The following HIBCH variants were observed in gnomAD, a reference collection of about 807,000 sequenced individuals.
HIBCH encodes 3-hydroxyisobutyryl-CoA hydrolase.
HIBCH carries 50 observed loss-of-function variants against 58.2 expected under a neutral mutation model. That is an observed-to-expected ratio of 0.86 (90% confidence interval 0.68 to 1.09). The LOEUF is 1.09. Ranked by LOEUF, HIBCH falls within the 50% of genes least tolerant of loss-of-function variation. HIBCH has a pLI of 0.00. For missense variants in HIBCH, 450 were observed against 449.7 expected (o/e 1.00, Z -0.01); for synonymous variants, 151 against 146.9 (o/e 1.03, Z -0.20).
intron 11 of HIBCH, among the ~76,000 whole-genome samples, chr2:190,228,151 C>G (rs1034727910): frequency 6.6e-6 from 1 of 152,114 alleles, no homozygotes; most frequent in East Asian, 1.9e-4. Context: ...GGAACCAACC[C>G]AAATGTCCAA....
intron 1 of HIBCH, among the ~76,000 whole-genome samples, chr2:190,191,470 C>T (rs1254322556): frequency 6.6e-6 from 1 of 152,162 alleles, no homozygotes; most frequent in Admixed American, 6.5e-5. Flanking sequence ...TATGTGAACA[C>T]AAATTTTCAT....
At chr2:190,264,699 GGA>G (rs1687183341) in intron 6 of HIBCH, among the ~76,000 whole-genome samples, 1 of 152,060 alleles carries the variant, frequency 6.6e-6, no homozygotes, top group South Asian at 2.1e-4. Flanking sequence ...ATGGCTATTT[GGA>G]TTGTCTCCAG....
At chr2:190,222,770 G>A (rs944587017) in intron 11 of HIBCH, among the ~76,000 whole-genome samples, 11 of 152,064 alleles carry the variant, frequency 7.2e-5, no homozygotes, top group Middle Eastern at 3.2e-3. Flanking sequence ...CCCATTACTG[G>A]GTATATACCC....
chr2:190,269,440 A>C (rs1427800713), intron 6 of HIBCH, among the ~76,000 whole-genome samples: 1 of 141,230 alleles, frequency 7.1e-6, no homozygotes, highest in Non-Finnish European at 1.5e-5. Context: ...TCTCAAAAGA[A>C]GACATTTATG....
intron 1 of HIBCH, among the ~76,000 whole-genome samples, chr2:190,314,329 G>GTGTATATATACGTA (rs1688645255): frequency 2.0e-3 from 7 of 3,444 alleles, no homozygotes; most frequent in Admixed American, 3.8e-3. Flanking sequence ...ATGTATATAT[G>GTGTATATATACGTA]TATATATACA....
At chr2:190,228,338 G>A (rs1401216777) in intron 11 of HIBCH, among the ~76,000 whole-genome samples, 1 of 150,320 alleles carries the variant, frequency 6.7e-6, no homozygotes, top group Non-Finnish European at 1.5e-5. Context: ...ACTCATAGGT[G>A]GGAATTGAAC....
chr2:190,213,038 G>A lies in HIBCH; in HGVS notation c.929C>T (p.Thr310Ile). 1 of 1,609,496 alleles carries A rather than the reference G, an allele frequency of 6.2e-7. No homozygotes were observed. The highest frequency in any genetic ancestry group is 2.2e-5 in the East Asian group (1 of 44,802). Reference protein sequence around the residue: ...NKMSPTSLKITLRQLMEGSSK... With the variant: ...NKMSPTSLKIILRQLMEGSSK... ...AGACCCCTCCATGAGTTGCCTTAGT[G>A]TGATCTTTAGAGATGTTGGAGACAT... Residue 310 changes from threonine (T) to isoleucine (I), a missense_variant, in exon 12 of 14, where the codon ACA becomes ATA. Coordinates refer to ENST00000359678, the MANE Select transcript of HIBCH (RefSeq NM_014362.4).
At position 190,204,741 on chromosome 2, in the gene HIBCH, G is replaced by T; in HGVS notation, c.*376C>A. 1 of 231,904 alleles carries T rather than the reference G, an allele frequency of 4.3e-6. No individual in the cohort carries two copies. The highest frequency in any genetic ancestry group is 8.6e-6 in the Non-Finnish European group (1 of 116,724). The allele number at this position is 231,904 out of a possible 1,614,324, so 14.4% of individuals were successfully genotyped here. A position where few individuals can be genotyped will look rare whatever the true frequency, so the allele number is the denominator to read the frequency against. Reference sequence around the variant, plus strand: ...CATTTCAATTAGATATACCACTCAAGAGAATCTCCAAAGATCTTCACATTT... The same window carrying T: ...CATTTCAATTAGATATACCACTCAATAGAATCTCCAAAGATCTTCACATTT... On this transcript the variant is annotated 3_prime_UTR_variant, in exon 14 of 14. Transcript: ENST00000359678.
At chr2:190,269,106 G>C (rs145085544) in intron 6 of HIBCH, among the ~76,000 whole-genome samples, 12 of 152,072 alleles carry the variant, frequency 7.9e-5, no homozygotes, top group African/African-American at 2.7e-4. Flanking sequence ...AGACTTAAAC[G>C]TAAGACCTAA....
rs757204029 is a variant in HIBCH at position 190,243,766 on chromosome 2, G to A, written c.891+1121C>T. Among the ~76,000 whole-genome samples, 2 of 152,066 alleles carry A rather than the reference G, an allele frequency of 1.3e-5. No homozygotes were observed. The highest frequency in any genetic ancestry group is 2.9e-5 in the Non-Finnish European group (2 of 68,002). The stretch of plus-strand genomic sequence containing the variant: ...GTGAATCACTTGAGCCTAGGAGGTC[G>A]AGACCAGTCTGGCCAACATGGTGAA... On this transcript the variant is annotated intron_variant, in intron 11 of 13. Coordinates refer to ENST00000359678, the MANE Select transcript of HIBCH (RefSeq NM_014362.4). The surrounding 1 kb of genome is among the most constrained non-coding windows in gnomAD (Gnocchi z 4.1).
intron 6 of HIBCH, among the ~76,000 whole-genome samples, chr2:190,269,441 G>A (rs1481744389): frequency 7.3e-6 from 1 of 137,690 alleles, no homozygotes; most frequent in Non-Finnish European, 1.5e-5. Flanking sequence ...CTCAAAAGAA[G>A]ACATTTATGC....
At chr2:190,213,613 G>A (rs954098475) in intron 11 of HIBCH, 22 of 160,838 alleles carry the variant, frequency 1.4e-4, no homozygotes, top group Non-Finnish European at 2.6e-4. Context: ...CTAGATACTA[G>A]TCTGCAAAAT....
At chr2:190,308,772 T>C (rs1348466677) in intron 2 of HIBCH, among the ~76,000 whole-genome samples, 1 of 152,168 alleles carries the variant, frequency 6.6e-6, no homozygotes, top group Non-Finnish European at 1.5e-5. Flanking sequence ...ACTAACACAG[T>C]TAGGAAGGGA....
At chr2:190,200,159 T>C (rs762996740), downstream of HIBCH, 1 of 1,610,226 alleles carries the variant, frequency 6.2e-7, no homozygotes, top group East Asian at 2.2e-5. Context: ...GGCTGTAGGA[T>C]GACAACACTT....
At chr2:190,308,433 T>C (rs1319594148) in intron 2 of HIBCH, among the ~76,000 whole-genome samples, 4 of 152,188 alleles carry the variant, frequency 2.6e-5, no homozygotes, top group Non-Finnish European at 5.9e-5. Context: ...TAAGAGGTGA[T>C]TGGGCATGAC....
rs1427811843 is a variant in HIBCH, at chr2:190,315,060, G to T, written c.36-4264C>A. ...CCTTCCGGGTTCACGCCATTCTCCT[G>T]CCTCAGTCTCCTGAGTAGCTGGGAC... On this transcript the variant is annotated intron_variant, in intron 1 of 13. Transcript: ENST00000359678. This position sits in a 1 kb window ranked among gnomAD's most constrained non-coding sequence, Gnocchi z 5.4. 6.6e-6 allele frequency among the ~76,000 whole-genome samples: 1 copy of T among 151,696 alleles called. No homozygotes were observed. The highest frequency in any genetic ancestry group is 2.4e-5 in the African/African-American group (1 of 41,270).
intron 4 of HIBCH, among the ~76,000 whole-genome samples, chr2:190,294,342 A>G (rs1251677303): frequency 2.0e-5 from 3 of 151,596 alleles, no homozygotes; most frequent in East Asian, 1.9e-4. Context: ...GTGTAGTGAG[A>G]AAAAAAAATC....
At chr2:190,222,915 T>C (rs1314009968) in intron 11 of HIBCH, among the ~76,000 whole-genome samples, 3 of 152,180 alleles carry the variant, frequency 2.0e-5, no homozygotes, top group East Asian at 1.9e-4. Context: ...ATGTGGCACA[T>C]ATACACCATG....
chr2:190,278,392 G>T (rs2919675), intron 6 of HIBCH, among the ~76,000 whole-genome samples: 109,557 of 151,534 alleles, frequency 0.72, 40,078 homozygotes, highest in Non-Finnish European at 0.75. Flanking sequence ...TTAGTAGAGA[G>T]GGGATTTCGC....
Sources: allele counts gnomAD v4.1 joint callset (sites outside exome capture counted in the v4.1 genomes callset), GRCh38; gene constraint gnomAD v4.1.1; non-coding constraint Gnocchi (gnomAD v3.1); transcripts MANE v1.5; gene names NCBI Gene and HGNC (gene_info 2026-07-23, HGNC 2026-07-21).